UTS2: variants seen among roughly 807,000 people sequenced by gnomAD.
UTS2 encodes the protein urotensin 2, also known as urotensin-2.
Under a neutral mutation model 12.6 loss-of-function variants are expected in UTS2, and 10 were observed. That is an observed-to-expected ratio of 0.80 (90% CI 0.49 to 1.35). The LOEUF (loss-of-function observed/expected upper bound fraction) is 1.35. Ranked by LOEUF, UTS2 falls within the 40% of genes most tolerant of loss-of-function variation. The pLI, the probability that UTS2 is intolerant of heterozygous loss-of-function variation, is 0.00. For missense variants in UTS2, 142 were observed against 143.2 expected (o/e 0.99, Z 0.04); for synonymous variants, 52 against 50.0 (o/e 1.04, Z -0.17).
the UTS2 span, among the ~76,000 whole-genome samples, chr1:7,910,770 AG>A: frequency 2.5e-4 from 38 of 152,232 alleles, no homozygotes; most frequent in African/African-American, 8.7e-4. Flanking sequence ...TCTGTCTCCC[AG>A]GCTGGAGTGC....
the UTS2 span, among the ~76,000 whole-genome samples, chr1:7,903,684 C>T: frequency 1.3e-5 from 2 of 152,116 alleles, no homozygotes; most frequent in African/African-American, 4.8e-5. Context: ...GCACCACGTC[C>T]GGCCTATTGT....
the UTS2 span, among the ~76,000 whole-genome samples, chr1:7,889,260 C>CA: frequency 0.15 from 10,545 of 72,468 alleles, 650 homozygotes; most frequent in African/African-American, 0.18. Context: ...CTCATTTCTA[C>CA]AAAAAAAAAA....
chr1:7,886,331 G>A, the UTS2 span, among the ~76,000 whole-genome samples: 1 of 152,204 alleles, frequency 6.6e-6, no homozygotes, highest in Non-Finnish European at 1.5e-5. Flanking sequence ...AAAAATATTT[G>A]TCATTTCTAA....
At position 7,850,797 on chromosome 1, in the gene UTS2, T is replaced by A. The variant is rs759370503; in HGVS notation, c.214+15A>T. On this transcript the variant is annotated intron_variant, in intron 2 of 3. Coordinates refer to ENST00000361696, the MANE Select transcript of UTS2 (RefSeq NM_006786.4). ...AATTAAATCAGACACGCTATAAACATGAGAAGCATTTTACCTGCTTTCCTG... is the reference window on the plus strand; with the variant it reads ...AATTAAATCAGACACGCTATAAACAAGAGAAGCATTTTACCTGCTTTCCTG... The A allele has an allele frequency of 6.2e-6, 10 of 1,611,978 alleles. No individual in the cohort carries two copies. In the Admixed American group the frequency reaches 1.7e-4, roughly 27 times the overall value.
At chr1:7,906,134 C>T in the UTS2 span, among the ~76,000 whole-genome samples, 1 of 152,164 alleles carries the variant, frequency 6.6e-6, no homozygotes, top group Non-Finnish European at 1.5e-5. Flanking sequence ...CATAGAATTG[C>T]ATGAGGTGCA....
the UTS2 span, among the ~76,000 whole-genome samples, chr1:7,902,614 C>A: frequency 1.3e-5 from 2 of 152,004 alleles, no homozygotes; most frequent in Admixed American, 1.3e-4. Context: ...TTTATAGGGA[C>A]GGGGGTCTCG....
the UTS2 span, among the ~76,000 whole-genome samples, chr1:7,907,350 C>G: frequency 2.0e-5 from 3 of 150,486 alleles, no homozygotes; most frequent in Non-Finnish European, 4.4e-5. Context: ...CCTTAGGTGT[C>G]AAGAAATCAG....
At chr1:7,892,598 C>A in the UTS2 span, among the ~76,000 whole-genome samples, 1 of 151,504 alleles carries the variant, frequency 6.6e-6, no homozygotes, top group Admixed American at 6.6e-5. Flanking sequence ...CTGCCTCAGC[C>A]TCCTGAGTAG....
chr1:7,877,395 A>C, the UTS2 span, among the ~76,000 whole-genome samples: 1 of 152,154 alleles, frequency 6.6e-6, no homozygotes, highest in East Asian at 1.9e-4. Context: ...AACAACAACA[A>C]AATAGATATC....
the UTS2 span, among the ~76,000 whole-genome samples, chr1:7,872,335 AGAAAAAG>A: frequency 1.4e-5 from 2 of 140,190 alleles, no homozygotes; most frequent in African/African-American, 5.7e-5. Flanking sequence ...AGAAAAAAAA[AGAAAAAG>A]AAAAAAAAGA....
intron 3 of UTS2, among the ~76,000 whole-genome samples, chr1:7,849,231 T>A (rs2097411238): frequency 6.6e-6 from 1 of 152,168 alleles, no homozygotes; most frequent in Non-Finnish European, 1.5e-5. Flanking sequence ...ATTATTATTT[T>A]GAGATGAAGT....
the UTS2 span, among the ~76,000 whole-genome samples, chr1:7,891,536 A>AAAGAAAG: frequency 9.1e-6 from 1 of 109,820 alleles, no homozygotes; most frequent in South Asian, 3.3e-4. Flanking sequence ...AGAAAGAAAG[A>AAAGAAAG]AAAGAAAGAA....
chr1:7,876,871 C>A, the UTS2 span, among the ~76,000 whole-genome samples: 1 of 152,052 alleles, frequency 6.6e-6, no homozygotes, highest in Non-Finnish European at 1.5e-5. Context: ...GTGGCTCACA[C>A]CTGTAATCCC....
chr1:7,849,786 G>A, intron 2 of UTS2, 103 bp from the exon 3 acceptor site: 1 of 1,057,610 alleles, frequency 9.5e-7, no homozygotes, highest in Non-Finnish European at 1.3e-6. Flanking sequence ...CTAGTTTCTG[G>A]TCTTTTTCCA....
the UTS2 span, among the ~76,000 whole-genome samples, chr1:7,905,221 G>A: frequency 4.0e-5 from 6 of 149,442 alleles, no homozygotes; most frequent in East Asian, 2.0e-4. Context: ...TTGGCTCACT[G>A]TACCCTCCAC....
chr1:7,898,104 A>C, the UTS2 span, among the ~76,000 whole-genome samples: 2 of 152,198 alleles, frequency 1.3e-5, no homozygotes. Flanking sequence ...TGCCATCTGC[A>C]AATAAGAATG....
the UTS2 span, among the ~76,000 whole-genome samples, chr1:7,901,606 ATGTGTGTGTGTG>A: frequency 7.9e-6 from 1 of 126,688 alleles, no homozygotes; most frequent in Non-Finnish European, 1.7e-5. Flanking sequence ...ATATTCATCT[ATGTGTGTGTGTG>A]TGTGTGTGTG....
intron 3 of UTS2, among the ~76,000 whole-genome samples, chr1:7,848,958 G>A (rs1384223729): frequency 2.0e-5 from 3 of 152,256 alleles, no homozygotes; most frequent in South Asian, 4.2e-4. Context: ...GCAGGTCCTA[G>A]GTGGGCCTAA....
At chr1:7,853,471 T>C (rs752178514), upstream of UTS2, 2 of 1,600,276 alleles carry the variant, frequency 1.2e-6, no homozygotes, top group African/African-American at 1.3e-5. Flanking sequence ...GTTGCCATGC[T>C]GTGTTTAGGG....
Sources: gnomAD v4.1 joint callset for allele counts (sites outside exome capture counted in the v4.1 genomes callset) on GRCh38, gnomAD v4.1.1 for gene constraint, MANE v1.5 for transcripts, NCBI Gene and HGNC (gene_info 2026-07-23, HGNC 2026-07-21) for gene names.